Variants in SLC30A4 observed in about 807,000 individuals in gnomAD.
SLC30A4 encodes the protein solute carrier family 30 member 4, also known as probable proton-coupled zinc antiporter SLC30A4.
Under a neutral mutation model 41.7 loss-of-function variants are expected in SLC30A4, and 20 were observed. The ratio of observed to expected loss-of-function variants is 0.48; its 90% CI spans 0.34 to 0.70. The LOEUF is 0.70. Ranked by LOEUF, SLC30A4 falls within the 30% of genes least tolerant of loss-of-function variation. The pLI is 0.01. For missense variants in SLC30A4, 441 were observed against 529.3 expected (o/e 0.83, Z 1.64); for synonymous variants, 181 against 195.9 (o/e 0.92, Z 0.64).
At chr15:45,505,208 G>T (rs186338397) in intron 3 of SLC30A4, among the ~76,000 whole-genome samples, 353 of 144,800 alleles carry the variant, frequency 2.4e-3, no homozygotes, top group Non-Finnish European at 4.4e-3. Context: ...TCCAGCGTGG[G>T]CAACAAGAGC....
At chr15:45,517,036 C>T (rs1052078506) in intron 2 of SLC30A4, among the ~76,000 whole-genome samples, 1 of 152,052 alleles carries the variant, frequency 6.6e-6, no homozygotes, top group Non-Finnish European at 1.5e-5. Flanking sequence ...TTTTCATTTT[C>T]AATAAAAATG....
At chr15:45,495,237 G>A (rs1056834186) in intron 3 of SLC30A4, among the ~76,000 whole-genome samples, 3 of 151,946 alleles carry the variant, frequency 2.0e-5, no homozygotes, top group African/African-American at 7.3e-5. Context: ...GCTTGGTTAT[G>A]AAAATTTAAA....
chr15:45,491,414 G>T (rs16944196), intron 3 of SLC30A4, among the ~76,000 whole-genome samples: 12,907 of 152,200 alleles, frequency 0.085, 1,815 homozygotes, highest in African/African-American at 0.29. Context: ...TTTCTTGATA[G>T]AAAAAAGTAC....
chr15:45,507,130 G>A (rs1892173815), intron 3 of SLC30A4, among the ~76,000 whole-genome samples: 1 of 151,918 alleles, frequency 6.6e-6, no homozygotes, highest in African/African-American at 2.4e-5. Flanking sequence ...GATCATCCTG[G>A]CCAACATGGT....
In SLC30A4 at chr15:45,483,921, C is replaced by T. The variant is rs1489185526; in HGVS notation, c.*1242G>A. 6.6e-6 allele frequency: 1 copy of T among 152,098 alleles called. No homozygotes were observed. Among genetic ancestry groups the T allele is most frequent in the Non-Finnish European group, 1.5e-5 (1 of 68,016 alleles). The allele number at this position is 152,098 out of a possible 1,614,324, so 9.4% of individuals were successfully genotyped here. A position where few individuals can be genotyped will look rare whatever the true frequency, so the allele number is the denominator to read the frequency against. On this transcript the variant is annotated 3_prime_UTR_variant, in exon 8 of 8. Transcript: ENST00000261867. Reference sequence around the variant, plus strand: ...CATATATAAGGTCAAAAATCCTTTACATTTCTGTTTTCTCAAAGTAATATC... The same window carrying T: ...CATATATAAGGTCAAAAATCCTTTATATTTCTGTTTTCTCAAAGTAATATC...
In SLC30A4 at chr15:45,522,488, T is replaced by G; in HGVS notation, c.-114-20A>C. ...CCCATCCTGTGGAAAACGAAACACG[T>G]TATAAATTAAAGGCGCCCAACCCTG... On this transcript the variant is annotated intron_variant, in intron 1 of 7. Transcript: ENST00000261867. 1 of 938,972 alleles carries G rather than the reference T, an allele frequency of 1.1e-6. No homozygotes were observed. The allele number at this position is 938,972 out of a possible 1,614,324, so 58.2% of individuals were successfully genotyped here.
chr15:45,521,024 A>G (rs1892651211), intron 2 of SLC30A4: 1 of 467,000 alleles, frequency 2.1e-6, no homozygotes. Context: ...TTATGAAAGA[A>G]GGTAGGAAAT....
intron 3 of SLC30A4, among the ~76,000 whole-genome samples, chr15:45,496,874 T>TAAAA (rs1449473386): frequency 1.8e-4 from 26 of 142,202 alleles, no homozygotes; most frequent in Middle Eastern, 3.6e-3. Context: ...AATAAATAAA[T>TAAAA]AAAATAAATA....
rs191921322 is a variant in SLC30A4, at chr15:45,505,252, A to G, written c.538+5886T>C. ...ATCTCAAAAATTAAAAAAAAAAAAA[A>G]AAAGAAAGAAAAGAAAAAAAAAGGC... On this transcript the variant is annotated intron_variant, in intron 3 of 7. Coordinates refer to ENST00000261867, the MANE Select transcript of SLC30A4 (RefSeq NM_013309.6). Among the ~76,000 whole-genome samples the G allele has an allele frequency of 3.5e-3, 532 of 151,384 alleles. 2 individuals are homozygous for G. Among genetic ancestry groups the G allele is most frequent in the Non-Finnish European group, 6.1e-3 (413 of 67,830 alleles).
At chr15:45,499,207 GACT>G (rs1261669813) in intron 3 of SLC30A4, among the ~76,000 whole-genome samples, 2 of 151,982 alleles carry the variant, frequency 1.3e-5, no homozygotes, top group Admixed American at 6.6e-5. Context: ...GAGTAGCTGG[GACT>G]ACAGGTACCC....
rs1595519252 is a variant in SLC30A4, at chr15:45,482,028, C to T, written c.*3135G>A. 1 of 136,280 alleles carries T rather than the reference C, an allele frequency of 7.3e-6. No individual in the cohort carries two copies. Among genetic ancestry groups the T allele is most frequent in the Middle Eastern group, 4.0e-3 (1 of 248 alleles). 8.4% of individuals were successfully genotyped at this position (136,280 alleles called of 1,614,324 possible). A position where few individuals can be genotyped will look rare whatever the true frequency, so the allele number is the denominator to read the frequency against. Reference sequence around the variant, plus strand: ...TTGAGCCCAGGAGCTCAAGACCAGCCTGGGCAACATAGGGAGACCCCATCT... The same window carrying T: ...TTGAGCCCAGGAGCTCAAGACCAGCTTGGGCAACATAGGGAGACCCCATCT... On this transcript the variant is annotated 3_prime_UTR_variant, in exon 8 of 8. Coordinates refer to ENST00000261867, the MANE Select transcript of SLC30A4 (RefSeq NM_013309.6).
Position 45,522,693 on chromosome 15 carries a change from C to A in SLC30A4, c.-201G>T. 5.2e-6 allele frequency: 1 copy of A among 192,078 alleles called. No individual in the cohort carries two copies. The highest frequency in any genetic ancestry group is 1.0e-5 in the Non-Finnish European group (1 of 95,828). The allele number at this position is 192,078 out of a possible 1,614,324, so 11.9% of individuals were successfully genotyped here. A position where few individuals can be genotyped will look rare whatever the true frequency, so the allele number is the denominator to read the frequency against. The stretch of plus-strand genomic sequence containing the variant: ...GCTCGCGCTGCTCCACCCGCGGCCG[C>A]AGGAGAGTGGGGTCGTGCTCGCGCC... On this transcript the variant is annotated 5_prime_UTR_variant, in exon 1 of 8. Transcript: ENST00000261867.
chr15:45,490,190 C>T (rs1192467942), intron 4 of SLC30A4, among the ~76,000 whole-genome samples: 2 of 152,106 alleles, frequency 1.3e-5, no homozygotes, highest in Non-Finnish European at 2.9e-5. Flanking sequence ...TGCCTGTGCT[C>T]AAGTGACCTT....
At position 45,488,439 on chromosome 15, in the gene SLC30A4, G is replaced by A. The variant is rs1414721328; in HGVS notation, c.894+402C>T. On this transcript the variant is annotated intron_variant, in intron 5 of 7. Transcript: ENST00000261867. ...AATACAAAAATTAGCTGGGCATGGTGGTGTGTACCTGTAATCCCAGCTACT... is the reference window on the plus strand; with the variant it reads ...AATACAAAAATTAGCTGGGCATGGTAGTGTGTACCTGTAATCCCAGCTACT... Among the ~76,000 whole-genome samples, 4 of 152,278 alleles carry A rather than the reference G, an allele frequency of 2.6e-5. No homozygotes were observed. The East Asian group carries it at 7.7e-4, about 29-fold the overall frequency.
intron 3 of SLC30A4, among the ~76,000 whole-genome samples, chr15:45,510,191 C>T (rs78724223): frequency 1.3e-5 from 2 of 151,150 alleles, no homozygotes; most frequent in Admixed American, 6.6e-5. Flanking sequence ...AGAAAATGTA[C>T]GTAAAGAAAC....
In SLC30A4 at chr15:45,522,017, C is replaced by G; in HGVS notation, c.338G>C (p.Arg113Thr). 1.9e-6 allele frequency: 3 copies of G among 1,614,246 alleles called. No homozygotes were observed. The highest frequency in any genetic ancestry group is 2.5e-6 in the Non-Finnish European group (3 of 1,180,042). ...EILKQRKVKARLTIAAVLYLL... is the reference protein window; with the variant it reads ...EILKQRKVKATLTIAAVLYLL... ...GTACAGAACGGCAGCAATGGTCAAC[C>G]TGGCTTTCACCTTTCTCTGCTTCAG... The change falls in exon 2 of 8, where the codon AGG becomes ACG. Residue 113 changes from arginine to threonine, a missense_variant. This residue lies in a region of SLC30A4 where 312 missense variants were observed against 341.9 expected (regional missense o/e 0.91). Transcript: ENST00000261867.
chr15:45,489,168 A>C, intron 4 of SLC30A4, 126 bp from the exon 5 acceptor site: 1 of 720,448 alleles, frequency 1.4e-6, no homozygotes, highest in Non-Finnish European at 2.3e-6. Flanking sequence ...ACTATTATTT[A>C]TCAGTACTGT....
At chr15:45,520,294 G>A (rs1268259775) in intron 2 of SLC30A4, among the ~76,000 whole-genome samples, 1 of 151,364 alleles carries the variant, frequency 6.6e-6, no homozygotes, top group African/African-American at 2.4e-5. Context: ...TTTTGAGACG[G>A]ATTCTCACCC....
At chr15:45,503,720 G>A (rs1228091379) in intron 3 of SLC30A4, among the ~76,000 whole-genome samples, 1 of 152,126 alleles carries the variant, frequency 6.6e-6, no homozygotes, top group Non-Finnish European at 1.5e-5. Context: ...GCCGAGGTGG[G>A]CAGATCACCT....
Sources: gnomAD v4.1 joint callset for allele counts (sites outside exome capture counted in the v4.1 genomes callset) on GRCh38, gnomAD v4.1.1 for gene constraint, gnomAD v4.1.1 regional missense constraint, MANE v1.5 for transcripts, NCBI Gene and HGNC (gene_info 2026-07-23, HGNC 2026-07-21) for gene names.